DEPTOR: variants seen among roughly 807,000 people sequenced by gnomAD.
DEPTOR encodes DEP domain containing MTOR interacting protein.
In DEPTOR, 41 loss-of-function variants were observed where a neutral mutation model predicts 41.6. That is an observed-to-expected ratio of 0.98 (90% confidence interval 0.77 to 1.28). The LOEUF is 1.28. DEPTOR is among the 50% of genes most tolerant of loss of function. The pLI, the probability that DEPTOR is intolerant of heterozygous loss-of-function variation, is 0.00. For synonymous variants in DEPTOR, 195 were observed against 192.3 expected (o/e 1.01, Z -0.12); for missense variants, 514 against 527.9 (o/e 0.97, Z 0.26).
At chr8:119,984,126 T>C (rs1563582145) in intron 4 of DEPTOR, among the ~76,000 whole-genome samples, 1 of 152,128 alleles carries the variant, frequency 6.6e-6, no homozygotes, top group Non-Finnish European at 1.5e-5. Context: ...GACCCTTCTA[T>C]AAAAATAAGG....
intron 4 of DEPTOR, among the ~76,000 whole-genome samples, chr8:119,989,421 C>T (rs1176987090): frequency 1.3e-5 from 2 of 152,164 alleles, no homozygotes; most frequent in East Asian, 3.9e-4. Context: ...TCTGCCTCCT[C>T]GTTTCCATGA....
intron 3 of DEPTOR, among the ~76,000 whole-genome samples, chr8:119,937,176 C>T (rs1032482642): frequency 5.3e-5 from 8 of 152,102 alleles, no homozygotes; most frequent in South Asian, 2.1e-4. Flanking sequence ...CCGAGGCAGG[C>T]GGATCACGAG....
Position 120,021,946 on chromosome 8 carries a change from G to A in DEPTOR, c.1101+12813G>A, listed in dbSNP as rs567423506. Among the ~76,000 whole-genome samples, 20 of 151,934 alleles carry A rather than the reference G, an allele frequency of 1.3e-4. No homozygotes were observed. The East Asian group carries it at 3.1e-3, about 24-fold the overall frequency. Reference sequence around the variant, plus strand: ...GATCACCTGAAGCCAGGAGTCTGACGACCAACCTAGGCAACATAGCAAGAC... The same window carrying A: ...GATCACCTGAAGCCAGGAGTCTGACAACCAACCTAGGCAACATAGCAAGAC... On this transcript the variant is annotated intron_variant, in intron 8 of 8. Transcript: ENST00000286234.
At chr8:119,930,061 T>G in intron 3 of DEPTOR, 123 bp downstream of exon 3, 1 of 1,160,600 alleles carries the variant, frequency 8.6e-7, no homozygotes, top group Non-Finnish European at 1.2e-6. Flanking sequence ...AACTGTTCTT[T>G]TCCATATGAG....
intron 1 of DEPTOR, among the ~76,000 whole-genome samples, chr8:119,896,888 G>T (rs1827527650): frequency 6.7e-6 from 1 of 149,038 alleles, no homozygotes; most frequent in South Asian, 2.1e-4. Flanking sequence ...ATATGGAAAT[G>T]ATTAATAACA....
intron 1 of DEPTOR, among the ~76,000 whole-genome samples, chr8:119,917,823 C>G (rs899236139): frequency 1.1e-4 from 16 of 152,158 alleles, no homozygotes; most frequent in African/African-American, 3.4e-4. Context: ...TGGAATGTCT[C>G]GATATAAAAC....
Position 120,003,162 on chromosome 8 carries a change from G to A in DEPTOR, c.925+51G>A. On this transcript the variant is annotated intron_variant, in intron 6 of 8. Coordinates refer to ENST00000286234, the MANE Select transcript of DEPTOR (RefSeq NM_022783.4). ...TCCTAAGACTGTGGGGACTTGGGCA[G>A]GTCCCTGGGAAGCAGAATCTGAGAT... 5 of 1,589,362 alleles carry A rather than the reference G, an allele frequency of 3.1e-6. No individual in the cohort carries two copies. The African/African-American group carries it at 4.0e-5, about 13-fold the overall frequency.
intron 1 of DEPTOR, among the ~76,000 whole-genome samples, chr8:119,922,135 A>G (rs1365910097): frequency 6.6e-6 from 1 of 151,296 alleles, no homozygotes; most frequent in African/African-American, 2.4e-5. Context: ...ACTACTCGGG[A>G]GGCTGAAGCA....
intron 3 of DEPTOR, among the ~76,000 whole-genome samples, chr8:119,961,141 G>T (rs943057926): frequency 2.0e-5 from 3 of 151,986 alleles, no homozygotes; most frequent in Non-Finnish European, 4.4e-5. Context: ...AAGTGGCTGG[G>T]CACAGTGGAT....
chr8:120,003,071 C>A lies in DEPTOR; in HGVS notation c.885C>A (p.Thr295=), dbSNP rs1188915349. The A allele has an allele frequency of 6.2e-7, 1 of 1,613,126 alleles. No individual in the cohort carries two copies. The highest frequency in any genetic ancestry group is 2.2e-5 in the East Asian group (1 of 44,808). Residue 295 remains threonine, a synonymous_variant, in exon 6 of 9, where the codon ACC becomes ACA. Transcript: ENST00000286234. ...GSSGYFSSSP[T]LSSSPPVLCN... is the part of the protein sequence containing the mutation. ...GCGGCTACTTCAGCAGCAGCCCCAC[C>A]CTCAGCAGCAGCCCCCCTGTGCTCT...
At chr8:119,991,277 A>G (rs1274067607) in intron 4 of DEPTOR, among the ~76,000 whole-genome samples, 3 of 149,202 alleles carry the variant, frequency 2.0e-5, no homozygotes, top group Non-Finnish European at 3.0e-5. Flanking sequence ...TCCTCCTCCC[A>G]CCTCCACCTT....
rs1226120504 is a variant in DEPTOR, at chr8:120,001,560, C to T, written c.640C>T (p.Leu214Phe). The change falls in exon 5 of 9, where the codon CTC becomes TTC. Residue 214 changes from leucine (L) to phenylalanine (F), a missense_variant. Transcript: ENST00000286234. ...GCACCCATTTGTGGACAGCAATCTT[C>T]TCTACCAGTTCAGAATGAACTTCCG... ...NKHPFVDSNLLYQFRMNFRRR... is the reference protein window; with the variant it reads ...NKHPFVDSNLFYQFRMNFRRR... 5.0e-6 allele frequency: 8 copies of T among 1,613,192 alleles called. No homozygotes were observed. The highest frequency in any genetic ancestry group is 2.2e-5 in the East Asian group (1 of 44,850).
chr8:119,983,754 GT>G (rs199919462), intron 4 of DEPTOR, among the ~76,000 whole-genome samples: 22 of 134,224 alleles, frequency 1.6e-4, no homozygotes, highest in Admixed American at 8.5e-4. Context: ...AAGTAGGTGG[GT>G]TTTTTTTTCC....
rs1265897535 is a variant in DEPTOR, at chr8:120,006,804, G to A, written c.926-1G>A. ...GTCTTGACATTGTGTTTGTCTGCCA[G>A]TGCTGAAGAGACCTGTCACCTCTGA... On this transcript the variant is annotated splice_acceptor_variant, in intron 6 of 8. Coordinates refer to ENST00000286234, the MANE Select transcript of DEPTOR (RefSeq NM_022783.4). LOFTEE classifies it high-confidence loss of function. The A allele has an allele frequency of 6.2e-7, 1 of 1,613,948 alleles. No individual in the cohort carries two copies. Among genetic ancestry groups the A allele is most frequent in the Non-Finnish European group, 8.5e-7 (1 of 1,179,994 alleles).
chr8:119,874,126 T>C, intron 1 of DEPTOR, 158 bp downstream of exon 1: 7 of 1,225,702 alleles, frequency 5.7e-6, no homozygotes, highest in Non-Finnish European at 7.9e-6. Context: ...CGCCCGCGCT[T>C]AGCTGCTGCA....
At chr8:119,939,732 C>T (rs1054902608) in intron 3 of DEPTOR, among the ~76,000 whole-genome samples, 2 of 151,974 alleles carry the variant, frequency 1.3e-5, no homozygotes, top group Non-Finnish European at 2.9e-5. Context: ...GACTCAGCCT[C>T]CCAAAGTGCT....
intron 1 of DEPTOR, among the ~76,000 whole-genome samples, chr8:119,883,617 T>C (rs1586596807): frequency 6.6e-6 from 1 of 150,994 alleles, no homozygotes; most frequent in Non-Finnish European, 1.5e-5. Context: ...GAGGAGGAGG[T>C]AGGTAGCAGC....
intron 1 of DEPTOR, among the ~76,000 whole-genome samples, chr8:119,894,292 C>T (rs1051600838): frequency 1.3e-5 from 2 of 152,140 alleles, no homozygotes; most frequent in African/African-American, 4.8e-5. Context: ...TCTCAAACTC[C>T]TGGGCTCAAG....
In DEPTOR at chr8:119,947,627, G is replaced by T. The variant is rs563941751; in HGVS notation, c.426-17605G>T. Among the ~76,000 whole-genome samples, 6 of 152,308 alleles carry T rather than the reference G, an allele frequency of 3.9e-5. No homozygotes were observed. In the South Asian group the frequency reaches 1.2e-3, roughly 32 times the overall value. ...CTTTGCTTCCTCCTGATCTTCCAAA[G>T]TGGAAATTTTGCCTTATCTTTATAT... On this transcript the variant is annotated intron_variant, in intron 3 of 8. Transcript: ENST00000286234.
Sources: allele counts gnomAD v4.1 joint callset (sites outside exome capture counted in the v4.1 genomes callset), GRCh38; gene constraint gnomAD v4.1.1; transcripts MANE v1.5; gene names NCBI Gene and HGNC (gene_info 2026-07-23, HGNC 2026-07-21).